Variants in LARGE1 observed in about 807,000 individuals in gnomAD.
LARGE1 encodes the protein LARGE xylosyl- and glucuronyltransferase 1, also known as xylosyl- and glucuronyltransferase LARGE1.
In LARGE1, 43 loss-of-function variants were observed where a neutral mutation model predicts 87.6. The observed-to-expected ratio is 0.49, with a 90% CI of 0.38 to 0.63. LARGE1 has a LOEUF of 0.63. Among genes scored for constraint, LARGE1 ranks in the 30% least tolerant of loss-of-function variants. The probability of loss-of-function intolerance (pLI) is 0.00; values close to 1 mark genes in which losing one functional copy is unlikely to be tolerated. For missense variants in LARGE1, 802 were observed against 1,000.2 expected (o/e 0.80, Z 2.67); for synonymous variants, 434 against 394.6 (o/e 1.10, Z -1.18).
intron 12 of LARGE1, 88 bp from the exon 13 acceptor site, chr22:33,283,436 C>T (rs11913299): frequency 3.4e-5 from 49 of 1,462,268 alleles, no homozygotes; most frequent in Admixed American, 2.2e-4. Flanking sequence ...GTCATTGGCC[C>T]GGGGAAGTGT....
intron 11 of LARGE1, among the ~76,000 whole-genome samples, chr22:33,238,659 A>T (rs1444350246): frequency 1.3e-5 from 2 of 152,234 alleles, no homozygotes; most frequent in African/African-American, 4.8e-5. Context: ...CCATAAAATT[A>T]GAAATCAATA....
intron 6 of LARGE1, among the ~76,000 whole-genome samples, chr22:33,500,441 C>T (rs955216636): frequency 2.6e-5 from 4 of 152,292 alleles, no homozygotes; most frequent in Non-Finnish European, 4.4e-5. Context: ...ATGATGTTGA[C>T]AATTAAAGCA....
chr22:33,201,829 C>G (rs907256612), intron 11 of LARGE1, among the ~76,000 whole-genome samples: 3 of 152,108 alleles, frequency 2.0e-5, no homozygotes, highest in African/African-American at 7.2e-5. Context: ...GTAGCCTGAT[C>G]CAAGTTACAT....
intron 2 of LARGE1, among the ~76,000 whole-genome samples, chr22:33,729,087 G>A (rs1179499747): frequency 6.6e-6 from 1 of 152,090 alleles, no homozygotes; most frequent in African/African-American, 2.4e-5. Flanking sequence ...ATGAACTGAC[G>A]ATGATATAGT....
intron 11 of LARGE1, among the ~76,000 whole-genome samples, chr22:33,236,855 G>A (rs577226630): frequency 6.6e-6 from 1 of 152,168 alleles, no homozygotes; most frequent in Non-Finnish European, 1.5e-5. Flanking sequence ...TCATGGGAAA[G>A]AGAGACTTAA....
chr22:33,829,006 C>CTTTTTTTTTTT (rs776583343), intron 1 of LARGE1, among the ~76,000 whole-genome samples: 13 of 94,784 alleles, frequency 1.4e-4, no homozygotes, highest in South Asian at 4.2e-4. Flanking sequence ...GTCTCTTTTT[C>CTTTTTTTTTTT]TTTTTTTTTT....
chr22:33,126,311 CAA>C, the LARGE1 span, among the ~76,000 whole-genome samples: 1 of 152,154 alleles, frequency 6.6e-6, no homozygotes, highest in South Asian at 2.1e-4. Flanking sequence ...TGAAGACATT[CAA>C]ACCAAAGCTG....
intron 1 of LARGE1, among the ~76,000 whole-genome samples, chr22:33,850,360 TC>T (rs1305300307): frequency 6.6e-6 from 1 of 152,196 alleles, no homozygotes; most frequent in East Asian, 1.9e-4. Context: ...TCTTAAGTCT[TC>T]CGCACTTGAG....
At chr22:33,809,360 C>T (rs567386173) in intron 1 of LARGE1, among the ~76,000 whole-genome samples, 34 of 152,286 alleles carry the variant, frequency 2.2e-4, no homozygotes, top group Non-Finnish European at 4.6e-4. Context: ...TATGAACATA[C>T]ACAACTATAT....
At chr22:33,656,436 C>T (rs1387575633) in intron 2 of LARGE1, among the ~76,000 whole-genome samples, 6 of 152,114 alleles carry the variant, frequency 3.9e-5, no homozygotes, top group Admixed American at 3.3e-4. Flanking sequence ...CCTCCCACAA[C>T]ACATGGGAAT....
chr22:33,210,678 CCT>C (rs976182539), intron 11 of LARGE1, among the ~76,000 whole-genome samples: 1 of 152,272 alleles, frequency 6.6e-6, no homozygotes, highest in Non-Finnish European at 1.5e-5. Flanking sequence ...AGCTTCCACC[CCT>C]GTTGCCATAG....
Position 33,416,906 on chromosome 22 carries a change from C to CTTTTTTTTTTTTTTTTTTTTTTTTTTT in LARGE1, c.892+15254_892+15255insAAAAAAAAAAAAAAAAAAAAAAAAAAA, listed in dbSNP as rs35018256. 2.2e-5 allele frequency among the ~76,000 whole-genome samples: 2 copies of CTTTTTTTTTTTTTTTTTTTTTTTTTTT among 90,148 alleles called. 1 individual carries two copies. The highest frequency in any genetic ancestry group is 1.1e-4 in the African/African-American group (2 of 17,438). The allele number at this position is 90,148 out of a possible 152,430, so 59.1% of individuals were successfully genotyped here. On this transcript the variant is annotated intron_variant, in intron 7 of 14. Coordinates refer to ENST00000397394, the MANE Select transcript of LARGE1 (RefSeq NM_133642.5). ...ACAGGTGTGAGGCACCACGCCCGGA[C>CTTTTTTTTTTTTTTTTTTTTTTTTTTT]TTTTTTTTTTTTTTTTTTTGAGACA... is the stretch of plus-strand genomic sequence containing the variant.
At chr22:33,517,222 A>G (rs2071352896) in intron 6 of LARGE1, among the ~76,000 whole-genome samples, 1 of 152,144 alleles carries the variant, frequency 6.6e-6, no homozygotes, top group African/African-American at 2.4e-5. Flanking sequence ...AGAAGCTACG[A>G]TAGGATGAAA....
intron 11 of LARGE1, among the ~76,000 whole-genome samples, chr22:33,241,719 C>A (rs1926532184): frequency 6.6e-6 from 1 of 151,716 alleles, no homozygotes; most frequent in Non-Finnish European, 1.5e-5. Context: ...GGCAGGGAAT[C>A]CTGTCATTTA....
chr22:33,720,881 G>C (rs765534104), intron 2 of LARGE1, among the ~76,000 whole-genome samples: 1 of 152,176 alleles, frequency 6.6e-6, no homozygotes, highest in Non-Finnish European at 1.5e-5. Flanking sequence ...CTGAGGCCAG[G>C]GGGCTGCTGG....
chr22:33,608,666 C>T (rs1441457994), intron 4 of LARGE1, among the ~76,000 whole-genome samples: 1 of 152,166 alleles, frequency 6.6e-6, no homozygotes, highest in Non-Finnish European at 1.5e-5. Context: ...CAATGCCCCT[C>T]CTTGTATTAT....
Position 33,231,315 on chromosome 22 carries a change from T to G in LARGE1, c.1731-64483A>C, listed in dbSNP as rs573989149. Reference sequence around the variant, plus strand: ...TTAGACAGAAGCTTTGGAGTCAGGTTCCTGAGTTGTAATTCTGATTCTCCA... The same window carrying G: ...TTAGACAGAAGCTTTGGAGTCAGGTGCCTGAGTTGTAATTCTGATTCTCCA... On this transcript the variant is annotated intron_variant, in intron 11 of 11. Transcript: ENST00000608642. 5.1e-3 allele frequency among the ~76,000 whole-genome samples: 784 copies of G among 152,336 alleles called. 8 individuals carry two copies. Among genetic ancestry groups the G allele is most frequent in the Non-Finnish European group, 7.1e-3 (482 of 68,024 alleles).
At chr22:33,608,154 T>C (rs1013763615) in intron 4 of LARGE1, among the ~76,000 whole-genome samples, 3 of 152,204 alleles carry the variant, frequency 2.0e-5, no homozygotes. Context: ...GGATTCTTAT[T>C]AACGGAGAAT....
intron 1 of LARGE1, among the ~76,000 whole-genome samples, chr22:33,771,731 C>A (rs2085073492): frequency 1.3e-5 from 2 of 152,090 alleles, no homozygotes; most frequent in Admixed American, 1.3e-4. Context: ...TCCTATATAC[C>A]CACTGGATAA....
Sources: allele counts gnomAD v4.1 joint callset (sites outside exome capture counted in the v4.1 genomes callset), GRCh38; gene constraint gnomAD v4.1.1; transcripts MANE v1.5; gene names NCBI Gene and HGNC (gene_info 2026-07-23, HGNC 2026-07-21).